TIAM1: variants seen among roughly 807,000 people sequenced by gnomAD.
TIAM1 encodes TIAM Rac1 associated GEF 1, also known as rho guanine nucleotide exchange factor TIAM1.
TIAM1 carries 65 observed loss-of-function variants against 163.5 expected under a neutral mutation model. The ratio of observed to expected loss-of-function variants is 0.40; its 90% CI spans 0.33 to 0.49. The LOEUF is 0.49. Ranked by LOEUF, TIAM1 falls within the 20% of genes least tolerant of loss-of-function variation. TIAM1 has a pLI of 0.77. For missense variants in TIAM1, 1,789 were observed against 2,044.7 expected (o/e 0.87, Z 2.41); for synonymous variants, 833 against 810.1 (o/e 1.03, Z -0.48).
intron 8 of TIAM1, among the ~76,000 whole-genome samples, chr21:31,222,694 TATATATATA>T (rs1569056126): frequency 6.0e-4 from 23 of 38,096 alleles, no homozygotes; most frequent in African/African-American, 1.7e-3. Context: ...TATATATATA[TATATATATA>T]TATATTTTTT....
Position 31,130,250 on chromosome 21 carries a change from G to A in TIAM1, c.4008C>T (p.Pro1336=), listed in dbSNP as rs760130189. The A allele has an allele frequency of 5.0e-6, 8 of 1,613,954 alleles. No homozygotes were observed. The East Asian group carries it at 1.6e-4, about 31-fold the overall frequency. ...WDPFRFRHMI[P]TEALQVRALA... ...AAGCTCGAACCTGCAGCGCTTCCGT[G>A]GGGATCATGTGTCGAAATCTGAAGG... is the stretch of plus-strand genomic sequence containing the variant. The change falls in exon 25 of 28, where the codon CCC becomes CCT. Residue 1336 remains proline, a synonymous_variant. Transcript: ENST00000541036.
rs770361356 is a variant in TIAM1, at chr21:31,266,523, A to ATGC, written c.447_449dup (p.Gln149dup). 3.1e-5 allele frequency: 50 copies of ATGC among 1,614,014 alleles called. 1 individual carries two copies. In the Admixed American group the frequency reaches 6.3e-4, roughly 20 times the overall value. On this transcript the variant is annotated inframe_insertion, in exon 4 of 28. Transcript: ENST00000541036. ...AAGTGGGCCCATTGGATGTATAGGA[A>ATGC]TGCTGCCTCCTGCCTCCCTCAGCCA...
chr21:31,177,491 C>A (rs1410680721), intron 15 of TIAM1, among the ~76,000 whole-genome samples: 1 of 152,106 alleles, frequency 6.6e-6, no homozygotes, highest in African/African-American at 2.4e-5. Flanking sequence ...CCTGTAATCC[C>A]GGCTATTTGG....
chr21:31,329,818 T>A (rs1249739019), intron 2 of TIAM1, among the ~76,000 whole-genome samples: 2 of 152,204 alleles, frequency 1.3e-5, no homozygotes, highest in African/African-American at 2.4e-5. Flanking sequence ...CTAGATGTCA[T>A]GAGTAGAATG....
chr21:31,455,096 C>T (rs112208200), intron 2 of TIAM1, among the ~76,000 whole-genome samples: 5,138 of 151,982 alleles, frequency 0.034, 140 homozygotes, highest in African/African-American at 0.073. Flanking sequence ...GCCTGACCAA[C>T]GTGGAGAAAC....
intron 2 of TIAM1, among the ~76,000 whole-genome samples, chr21:31,295,294 C>G (rs1164965274): frequency 6.6e-6 from 1 of 151,998 alleles, no homozygotes; most frequent in African/African-American, 2.4e-5. Flanking sequence ...CACGGTGAAA[C>G]CCCGTCTCTA....
intron 2 of TIAM1, among the ~76,000 whole-genome samples, chr21:31,446,644 ACATAACGATGGGAGACAGT>A (rs1274252557): frequency 6.6e-6 from 1 of 152,168 alleles, no homozygotes; most frequent in Non-Finnish European, 1.5e-5. Context: ...TATGTCCCTG[ACATAACGATGGGAGACAGT>A]CACTCACCAC....
rs188738067 is a variant in TIAM1, at chr21:31,548,708, C to T, written c.-422+10219G>A. 6.0e-3 allele frequency among the ~76,000 whole-genome samples: 904 copies of T among 151,820 alleles called. 35 individuals carry two copies. Among genetic ancestry groups the T allele is most frequent in the Admixed American group, 0.057 (861 of 15,228 alleles). The stretch of plus-strand genomic sequence containing the variant: ...TTCACCATGTTGGCCAGGCTGGTCT[C>T]GAACTCCTGGCCACAAGCGATCCAC... On this transcript the variant is annotated intron_variant, in intron 1 of 28. Coordinates refer to the TIAM1 transcript ENST00000286827.
chr21:31,357,960 A>G (rs2147129082), intron 2 of TIAM1, among the ~76,000 whole-genome samples: 1 of 152,328 alleles, frequency 6.6e-6, no homozygotes, highest in Admixed American at 6.5e-5. Context: ...TTGGAGAACC[A>G]CAGGGCTTAG....
chr21:31,126,573 T>C (rs531463905), intron 26 of TIAM1, among the ~76,000 whole-genome samples: 1 of 151,610 alleles, frequency 6.6e-6, no homozygotes, highest in African/African-American at 2.4e-5. Context: ...TTTCAATAAA[T>C]AAATAAATAA....
intron 2 of TIAM1, among the ~76,000 whole-genome samples, chr21:31,337,518 G>GTTATTATTATTATTATTA (rs55760697): frequency 0.057 from 8,456 of 147,188 alleles, 309 homozygotes; most frequent in African/African-American, 0.086. Flanking sequence ...TATTATTGTT[G>GTTATTATTATTATTATTA]TTATTATTAT....
intron 9 of TIAM1, among the ~76,000 whole-genome samples, chr21:31,216,682 G>A (rs371020981): frequency 2.6e-5 from 4 of 152,112 alleles, no homozygotes; most frequent in African/African-American, 7.2e-5. Flanking sequence ...GTGGACACCC[G>A]TCACGGCACC....
chr21:31,245,697 G>C, intron 5 of TIAM1, 37 bp from the exon 6 acceptor site: 1 of 1,418,936 alleles, frequency 7.0e-7, no homozygotes, highest in Non-Finnish European at 9.3e-7. Context: ...TGAGTATTCA[G>C]TGCTTGGGAA....
chr21:31,219,922 CT>C (rs1273041517), intron 8 of TIAM1, among the ~76,000 whole-genome samples: 1 of 152,140 alleles, frequency 6.6e-6, no homozygotes, highest in Non-Finnish European at 1.5e-5. Flanking sequence ...ATTTTCATCA[CT>C]TTCTCAGTTA....
intron 2 of TIAM1, among the ~76,000 whole-genome samples, chr21:31,369,231 A>AG (rs1555958164): frequency 2.0e-5 from 3 of 150,244 alleles, no homozygotes; most frequent in East Asian, 1.9e-4. Context: ...ATCTCAAAAA[A>AG]AAAGAAAGAA....
chr21:31,163,660 G>A (rs1333051384), intron 16 of TIAM1, among the ~76,000 whole-genome samples: 2 of 152,096 alleles, frequency 1.3e-5, no homozygotes, highest in African/African-American at 4.8e-5. Context: ...ATCAAAACAG[G>A]AAATGTACAA....
Position 31,141,217 on chromosome 21 carries a change from G to A in TIAM1, c.3675C>T (p.Asn1225=). 1 of 1,614,138 alleles carries A rather than the reference G, an allele frequency of 6.2e-7. No homozygotes were observed. Among genetic ancestry groups the A allele is most frequent in the Non-Finnish European group, 8.5e-7 (1 of 1,180,032 alleles). Residue 1225 remains asparagine, a synonymous_variant, in exon 22 of 28, where the codon AAC becomes AAT. Transcript: ENST00000541036. The surrounding 1 kb of genome is among the most constrained non-coding windows in gnomAD (Gnocchi z 4.7). The part of the protein sequence containing the change: ...YHLDVAIKTM[N]KVASHINEMQ... ...TCTCATTGATGTGACTGGCAACCTT[G>A]TTCATGGTCTTGATGGCCACTGGAA...
chr21:31,413,457 A>G (rs540172082), intron 2 of TIAM1, among the ~76,000 whole-genome samples: 1 of 151,646 alleles, frequency 6.6e-6, no homozygotes, highest in East Asian at 1.9e-4. Flanking sequence ...TTTGCAGTAG[A>G]GACGGGGTTT....
chr21:31,320,289 C>T lies in TIAM1; in HGVS notation c.-189+18954G>A, dbSNP rs555771453. ...AAACAGAAAGTAGAATGGAGGTTACCGGGGCAGGGAGGTGGAGGATGAGAA... is the reference window on the plus strand; with the variant it reads ...AAACAGAAAGTAGAATGGAGGTTACTGGGGCAGGGAGGTGGAGGATGAGAA... On this transcript the variant is annotated intron_variant, in intron 2 of 27. Transcript: ENST00000541036. Among the ~76,000 whole-genome samples, 146 of 152,014 alleles carry T rather than the reference C, an allele frequency of 9.6e-4. 3 individuals carry two copies. Among genetic ancestry groups the T allele is most frequent in the Admixed American group, 5.2e-4 (8 of 15,264 alleles).
Sources: allele counts gnomAD v4.1 joint callset (sites outside exome capture counted in the v4.1 genomes callset), GRCh38; gene constraint gnomAD v4.1.1; non-coding constraint Gnocchi (gnomAD v3.1); transcripts MANE v1.5; gene names NCBI Gene and HGNC (gene_info 2026-07-23, HGNC 2026-07-21).